Variants in PRKCH observed in about 807,000 individuals in gnomAD.
PRKCH encodes protein kinase C eta.
In PRKCH, 28 loss-of-function variants were observed where a neutral mutation model predicts 82.5. The ratio of observed to expected loss-of-function variants is 0.34; its 90% confidence interval spans 0.25 to 0.47. PRKCH has a LOEUF of 0.47. Ranked by LOEUF, PRKCH falls within the 20% of genes least tolerant of loss-of-function variation. The pLI, the probability that PRKCH is intolerant of heterozygous loss-of-function variation, is 1.00. For missense variants in PRKCH, 705 were observed against 881.8 expected, an observed-to-expected ratio of 0.80 and a Z score of 2.54; for synonymous variants, 322 against 327.4, an observed-to-expected ratio of 0.98 and a Z score of 0.18.
chr14:61,409,074 A>G (rs1351985950), intron 2 of PRKCH, among the ~76,000 whole-genome samples: 1 of 152,232 alleles, frequency 6.6e-6, no homozygotes, highest in East Asian at 1.9e-4. Flanking sequence ...ACCAGAGCCA[A>G]TGTCATACCT....
intron 1 of PRKCH, chr14:61,306,593 T>C (rs1278802362): frequency 6.6e-6 from 1 of 152,256 alleles, no homozygotes; most frequent in Non-Finnish European, 1.5e-5. Context: ...GAATCAGTTA[T>C]CTTGTGTATT....
At chr14:61,394,414 T>C (rs1397171549) in intron 2 of PRKCH, among the ~76,000 whole-genome samples, 1 of 152,156 alleles carries the variant, frequency 6.6e-6, no homozygotes, top group Admixed American at 6.5e-5. Flanking sequence ...TTATGGAACA[T>C]TGTTGATAAA....
At chr14:61,340,814 C>T (rs564056690) in intron 1 of PRKCH, among the ~76,000 whole-genome samples, 3 of 152,200 alleles carry the variant, frequency 2.0e-5, no homozygotes, top group Non-Finnish European at 2.9e-5. Flanking sequence ...CCCATTTTCC[C>T]GGTCAGAACT....
intron 1 of PRKCH, among the ~76,000 whole-genome samples, chr14:61,370,917 C>G (rs2140173045): frequency 6.6e-6 from 1 of 152,126 alleles, no homozygotes; most frequent in Middle Eastern, 3.4e-3. Context: ...TGCTGTGACA[C>G]TGGCCAGCTG....
intron 2 of PRKCH, among the ~76,000 whole-genome samples, chr14:61,424,844 C>T (rs1883029153): frequency 6.6e-6 from 1 of 152,234 alleles, no homozygotes; most frequent in Non-Finnish European, 1.5e-5. Context: ...GGCCCAGGAC[C>T]CTGCTGCTCT....
At chr14:61,220,465 C>T (rs1200102493) in intron 1 of PRKCH, among the ~76,000 whole-genome samples, 1 of 152,166 alleles carries the variant, frequency 6.6e-6, no homozygotes, top group Non-Finnish European at 1.5e-5. Flanking sequence ...AGAAACACAA[C>T]AGGAAATGCA....
intron 1 of PRKCH, among the ~76,000 whole-genome samples, chr14:61,370,700 AT>A (rs1487463351): frequency 2.0e-5 from 3 of 151,948 alleles, no homozygotes; most frequent in African/African-American, 7.3e-5. Context: ...TTTGTAGCTG[AT>A]TTTTTTCTCT....
chr14:61,379,548 G>A (rs1350980415), intron 1 of PRKCH, among the ~76,000 whole-genome samples: 2 of 152,132 alleles, frequency 1.3e-5, no homozygotes, highest in Non-Finnish European at 2.9e-5. Flanking sequence ...CCATTACAAT[G>A]GATGATGAGA....
chr14:61,313,754 A>G (rs958133000), intron 1 of PRKCH, among the ~76,000 whole-genome samples: 1 of 152,138 alleles, frequency 6.6e-6, no homozygotes, highest in Admixed American at 6.6e-5. Context: ...TTGTGTAGGG[A>G]AACTCCCCCT....
chr14:61,208,875 G>GA (rs2044547675), intron 1 of PRKCH, among the ~76,000 whole-genome samples: 1 of 152,114 alleles, frequency 6.6e-6, no homozygotes, highest in Non-Finnish European at 1.5e-5. Flanking sequence ...ATTTGTAGTT[G>GA]TGGCCTTTGG....
intron 10 of PRKCH, among the ~76,000 whole-genome samples, chr14:61,504,197 T>A (rs202204971): frequency 3.1e-4 from 1 of 3,264 alleles, no homozygotes. Flanking sequence ...GTTTATTGGG[T>A]TTTTTTTTCT....
chr14:61,230,255 C>G (rs1157607578), intron 1 of PRKCH, among the ~76,000 whole-genome samples: 1 of 152,138 alleles, frequency 6.6e-6, no homozygotes, highest in Non-Finnish European at 1.5e-5. Flanking sequence ...TCACCTCATT[C>G]GGACCCGGGG....
rs536944590 is a variant in PRKCH, at chr14:61,431,284, A to G, written c.428-11827A>G. Among the ~76,000 whole-genome samples, 8 of 152,338 alleles carry G rather than the reference A, an allele frequency of 5.3e-5. No homozygotes were observed. The East Asian group carries it at 1.5e-3, about 29-fold the overall frequency. ...CTGCACATGCGGACAGCCCACCCCA[A>G]GGAAAAACCAAGGGAGGAGAGACAC... is the stretch of plus-strand genomic sequence containing the variant. On this transcript the variant is annotated intron_variant, in intron 2 of 13. Coordinates refer to ENST00000332981, the MANE Select transcript of PRKCH (RefSeq NM_006255.5).
intron 12 of PRKCH, among the ~76,000 whole-genome samples, chr14:61,531,958 C>G (rs1256070612): frequency 6.6e-6 from 1 of 152,180 alleles, no homozygotes. Flanking sequence ...ATGTACTCAC[C>G]TAGGTTGGCT....
chr14:61,450,898 C>T lies in PRKCH; in HGVS notation c.759C>T (p.Tyr253=). The T allele has an allele frequency of 6.2e-7, 1 of 1,614,038 alleles. No homozygotes were observed. Among genetic ancestry groups the T allele is most frequent in the Non-Finnish European group, 8.5e-7 (1 of 1,179,972 alleles). ...NIPHKFSIHN[Y]KVPTFCDHCG... The stretch of plus-strand genomic sequence containing the variant: ...CACACAAGTTCAGCATCCACAACTA[C>T]AAAGTGCCAACATTCTGCGATCACT... The change falls in exon 6 of 14, where the codon TAC becomes TAT. Residue 253 remains tyrosine (Y), a synonymous_variant. Coordinates refer to ENST00000332981, the MANE Select transcript of PRKCH (RefSeq NM_006255.5).
intron 9 of PRKCH, among the ~76,000 whole-genome samples, chr14:61,463,781 T>C (rs1885134588): frequency 6.6e-6 from 1 of 152,254 alleles, no homozygotes; most frequent in South Asian, 2.1e-4. Flanking sequence ...TTCTATGAGT[T>C]TGGCTTTATT....
At chr14:61,429,666 A>G (rs1181178530) in intron 2 of PRKCH, among the ~76,000 whole-genome samples, 1 of 152,238 alleles carries the variant, frequency 6.6e-6, no homozygotes, top group Non-Finnish European at 1.5e-5. Context: ...AATGAAACTA[A>G]CAAGACCCAT....
chr14:61,514,891 C>T (rs759987295), intron 10 of PRKCH, among the ~76,000 whole-genome samples: 75 of 152,310 alleles, frequency 4.9e-4, no homozygotes, highest in Admixed American at 2.3e-3. Flanking sequence ...TTTTGGTCCC[C>T]ATGACCAAGG....
intron 1 of PRKCH, among the ~76,000 whole-genome samples, chr14:61,286,535 G>A (rs1251986130): frequency 1.3e-5 from 2 of 152,204 alleles, no homozygotes; most frequent in African/African-American, 4.8e-5. Flanking sequence ...CCAGCACTTT[G>A]GGAGGCCGAG....
Sources: allele counts gnomAD v4.1 joint callset (sites outside exome capture counted in the v4.1 genomes callset), GRCh38; gene constraint gnomAD v4.1.1; transcripts MANE v1.5; gene names NCBI Gene and HGNC (gene_info 2026-07-23, HGNC 2026-07-21).